The following WDR97 variants were observed in gnomAD, a reference collection of about 807,000 sequenced individuals.
WDR97 encodes WD repeat domain 97, also known as WD repeat-containing protein 97.
WDR97 carries 111 observed loss-of-function variants against 65.4 expected under a neutral mutation model. That is an observed-to-expected ratio of 1.70 (90% CI 1.45 to 1.99). The LOEUF (loss-of-function observed/expected upper bound fraction) is 1.99. Among genes scored for constraint, WDR97 ranks in the 30% most tolerant of loss-of-function variants. WDR97 has a pLI of 0.00. For missense variants in WDR97, 1,674 were observed against 865.0 expected (o/e 1.94, Z -11.73); for synonymous variants, 802 against 397.7 (o/e 2.02, Z -12.10).
At position 144,117,041 on chromosome 8, in the gene WDR97, C is replaced by G. The variant is rs190164484; in HGVS notation, c.*748C>G. 5 of 152,454 alleles carry G rather than the reference C, an allele frequency of 3.3e-5. No homozygotes were observed. The highest frequency in any genetic ancestry group is 9.6e-5 in the African/African-American group (4 of 41,580). The allele number at this position is 152,454 out of a possible 1,614,324, so 9.4% of individuals were successfully genotyped here. On this transcript the variant is annotated 3_prime_UTR_variant, in exon 24 of 24. Coordinates refer to ENST00000323662, the MANE Select transcript of WDR97 (RefSeq NM_001316309.2). ...GTGATTTCCCTCCTGTATCTGTAGC[C>G]TCTGACTTTACTAGTTTCTTCTTGA...
In WDR97 at chr8:144,114,160, C is replaced by T; in HGVS notation, c.3592C>T (p.Gln1198Ter). The change falls in exon 18 of 24, where the codon CAG (glutamine) becomes TAG (stop). Residue 1198 changes from glutamine (Q) to a stop codon, truncating the protein, a stop_gained and splice_region_variant. Coordinates refer to ENST00000323662, the MANE Select transcript of WDR97 (RefSeq NM_001316309.2). LOFTEE classifies it high-confidence loss of function. ...FKKLFPIFSLQAYPEAGTIEG... is the reference protein window; with the variant it reads ...FKKLFPIFSL ...AAAGTTGTTCCCCATCTTCAGCCTG[C>T]AGGTTGGAGGGAACTGGGGATGCAT... The T allele has an allele frequency of 1.4e-6, 1 of 702,466 alleles. No homozygotes were observed. Among genetic ancestry groups the T allele is most frequent in the South Asian group, 1.5e-5 (1 of 67,552 alleles). The allele number at this position is 702,466 out of a possible 1,614,324, so 43.5% of individuals were successfully genotyped here.
At position 144,108,132 on chromosome 8, in the gene WDR97, G is replaced by C. The variant is rs1836455059; in HGVS notation, c.186G>C (p.Pro62=). 1.4e-6 allele frequency: 1 copy of C among 702,446 alleles called. No individual in the cohort carries two copies. The highest frequency in any genetic ancestry group is 1.5e-5 in the South Asian group (1 of 67,594). 43.5% of individuals were successfully genotyped at this position (702,446 alleles called of 1,614,324 possible). A position where few individuals can be genotyped will look rare whatever the true frequency, so the allele number is the denominator to read the frequency against. Residue 62 remains proline, a synonymous_variant, in exon 2 of 24, where the codon CCG becomes CCC. Coordinates refer to ENST00000323662, the MANE Select transcript of WDR97 (RefSeq NM_001316309.2). ...TSSQQWQSLT[P]RARARRLWLL... ...GCCAACAGTGGCAAAGCCTGACCCC[G>C]CGCGCCCGCGCCCGCCGGCTGTGGC... is the stretch of plus-strand genomic sequence containing the variant.
chr8:144,113,513 C>G lies in WDR97; in HGVS notation c.3179C>G (p.Ala1060Gly), dbSNP rs767109062. The G allele has an allele frequency of 2.0e-5, 14 of 695,480 alleles. No individual in the cohort carries two copies. Among genetic ancestry groups the G allele is most frequent in the Non-Finnish European group, 3.7e-5 (14 of 379,166 alleles). The allele number at this position is 695,480 out of a possible 1,614,324, so 43.1% of individuals were successfully genotyped here. ...SAVLQQMWLN[A>G]EPGASQDALW... Reference sequence around the variant, plus strand: ...GTGCTACAGCAGATGTGGCTAAATGCGGAGGTCAGCAGCCTCGGATCCCCG... The same window carrying G: ...GTGCTACAGCAGATGTGGCTAAATGGGGAGGTCAGCAGCCTCGGATCCCCG... The change falls in exon 16 of 24, where the codon GCG becomes GGG. Residue 1060 changes from alanine (A) to glycine (G), a missense_variant. Transcript: ENST00000323662.
In WDR97 at chr8:144,114,027, C is replaced by G. The variant is rs1009722233; in HGVS notation, c.3459C>G (p.Ala1153=). The change falls in exon 18 of 24, where the codon GCC becomes GCG. Residue 1153 remains alanine, a synonymous_variant. Coordinates refer to ENST00000323662, the MANE Select transcript of WDR97 (RefSeq NM_001316309.2). ...QEPRRRSCKV[A]RTHPHPWHRH... is the part of the protein sequence containing the mutation. ...CCCGGCGGCGCAGCTGCAAGGTTGC[C>G]AGGACCCACCCTCATCCCTGGCACC... 1.0e-5 allele frequency: 7 copies of G among 702,710 alleles called. No individual in the cohort carries two copies. Among genetic ancestry groups the G allele is most frequent in the East Asian group, 2.7e-5 (1 of 37,300 alleles). 43.5% of individuals were successfully genotyped at this position (702,710 alleles called of 1,614,324 possible). A position where few individuals can be genotyped will look rare whatever the true frequency, so the allele number is the denominator to read the frequency against.
Position 144,112,065 on chromosome 8 carries a change from GC to G in WDR97, c.2818del (p.Gln940SerfsTer33), listed in dbSNP as rs1025491740. On this transcript the variant is annotated frameshift_variant, in exon 13 of 24. Coordinates refer to ENST00000323662, the MANE Select transcript of WDR97 (RefSeq NM_001316309.2). LOFTEE classifies it high-confidence loss of function. ...ALSPQDLGAL[G>X]QHFSQSPRVT... ...TCCCCACAGGACCTGGGAGCCCTGG[GC>G]CAGCACTTCTCCCAGTCTCCCCGAG... The G allele has an allele frequency of 1.4e-6, 1 of 702,696 alleles. No individual in the cohort carries two copies. Among genetic ancestry groups the G allele is most frequent in the Non-Finnish European group, 2.6e-6 (1 of 385,034 alleles). 43.5% of individuals were successfully genotyped at this position (702,696 alleles called of 1,614,324 possible).
Position 144,109,958 on chromosome 8 carries a change from T to C in WDR97, c.1624T>C (p.Ser542Pro). Residue 542 changes from serine (S) to proline (P), a missense_variant, in exon 5 of 24, where the codon TCC becomes CCC. Ser to Pro is a moderately conservative substitution (Grantham distance 74). Transcript: ENST00000323662. ...HLTDLEGAFSSWEIVRQHWGE... is the reference protein window; with the variant it reads ...HLTDLEGAFSPWEIVRQHWGE... ...CACGGATCTCGAAGGCGCCTTCTCC[T>C]CCTGGGAGATCGTGCGCCAGCACTG... is the stretch of plus-strand genomic sequence containing the variant. The C allele has an allele frequency of 1.4e-6, 1 of 701,778 alleles. No individual in the cohort carries two copies. 43.5% of individuals were successfully genotyped at this position (701,778 alleles called of 1,614,324 possible).
chr8:144,112,030 A>C lies in WDR97; in HGVS notation c.2781A>C (p.Pro927=), dbSNP rs1448185511. ...AEVSTAAQTV[P]TALSPQDLGA... ...TCAGCACTGCAGCCCAAACAGTGCC[A>C]ACAGCCCTGTCCCCACAGGACCTGG... The change falls in exon 13 of 24, where the codon CCA becomes CCC. Residue 927 remains proline (P), a synonymous_variant. Transcript: ENST00000323662. 4.3e-6 allele frequency: 3 copies of C among 702,608 alleles called. No homozygotes were observed. Among genetic ancestry groups the C allele is most frequent in the Non-Finnish European group, 5.2e-6 (2 of 384,950 alleles). 43.5% of individuals were successfully genotyped at this position (702,608 alleles called of 1,614,324 possible).
At position 144,108,667 on chromosome 8, in the gene WDR97, T is replaced by G. The variant is rs1320788527; in HGVS notation, c.601T>G (p.Cys201Gly). ...CAGGGCCCCGGGTTGGGCGCCCACC[T>G]GCTGCCTGCCGGTTCCCGACCTCAG... ...VGRAPGWAPT[C>G]CLPVPDLRLL... Residue 201 changes from cysteine (C) to glycine (G), a missense_variant, in exon 3 of 24, where the codon TGC (cysteine) becomes GGC (glycine). Cys to Gly is a radical substitution (Grantham distance 159, BLOSUM62 -3). Coordinates refer to ENST00000323662, the MANE Select transcript of WDR97 (RefSeq NM_001316309.2). The G allele has an allele frequency of 1.0e-5, 7 of 700,610 alleles. No individual in the cohort carries two copies. Among genetic ancestry groups the G allele is most frequent in the Non-Finnish European group, 1.8e-5 (7 of 384,386 alleles). 43.4% of individuals were successfully genotyped at this position (700,610 alleles called of 1,614,324 possible). A position where few individuals can be genotyped will look rare whatever the true frequency, so the allele number is the denominator to read the frequency against.
rs1486848272 is a variant in WDR97, at chr8:144,108,070, A to G, written c.124A>G (p.Thr42Ala). 5 of 702,744 alleles carry G rather than the reference A, an allele frequency of 7.1e-6. No individual in the cohort carries two copies. The South Asian group carries it at 7.4e-5, about 10-fold the overall frequency. The allele number at this position is 702,744 out of a possible 1,614,324, so 43.5% of individuals were successfully genotyped here. ...GTTCCTGCCCGCAGAGTTGACTTTC[A>G]CGGAGCCGTCGCAGGTCCTGCCCTT... ...LLTEKNELTF[T>A]EPSQVLPFLT... The change falls in exon 2 of 24, where the codon ACG becomes GCG. Residue 42 changes from threonine (T) to alanine (A), a missense_variant. Physicochemically the swap from Thr to Ala is moderately conservative, Grantham distance 58. Transcript: ENST00000323662.
In WDR97 at chr8:144,109,052, C is replaced by A; in HGVS notation, c.882C>A (p.Thr294=). 1.4e-6 allele frequency: 1 copy of A among 703,214 alleles called. No homozygotes were observed. Among genetic ancestry groups the A allele is most frequent in the Non-Finnish European group, 2.6e-6 (1 of 385,050 alleles). The allele number at this position is 703,214 out of a possible 1,614,324, so 43.6% of individuals were successfully genotyped here. A position where few individuals can be genotyped will look rare whatever the true frequency, so the allele number is the denominator to read the frequency against. The change falls in exon 4 of 24, where the codon ACC becomes ACA. Residue 294 remains threonine, a synonymous_variant. Coordinates refer to ENST00000323662, the MANE Select transcript of WDR97 (RefSeq NM_001316309.2). ...TTCTCCCATTCCCCACCTGTAGCAC[C>A]ATCTCGGACCTGGCTTACTGCGAGG... ...VDVRRDLHKT[T]ISDLAYCEEV...
In WDR97 at chr8:144,110,428, C is replaced by T. The variant is rs1213811234; in HGVS notation, c.1931C>T (p.Pro644Leu). ...CTGCGCACCTTCTCCTGCTGCTACCCGGCCGTGGCGCTCTGTGCGCTAGGC... is the reference window on the plus strand; with the variant it reads ...CTGCGCACCTTCTCCTGCTGCTACCTGGCCGTGGCGCTCTGTGCGCTAGGC... The part of the protein sequence containing the change: ...SLLRTFSCCY[P>L]AVALCALGRR... The change falls in exon 7 of 24, where the codon CCG becomes CTG. Residue 644 changes from proline (P) to leucine (L), a missense_variant. Physicochemically the swap from Pro to Leu is moderately conservative, Grantham distance 98. Coordinates refer to ENST00000323662, the MANE Select transcript of WDR97 (RefSeq NM_001316309.2). The T allele has an allele frequency of 1.4e-6, 1 of 703,042 alleles. No homozygotes were observed. Among genetic ancestry groups the T allele is most frequent in the Non-Finnish European group, 2.6e-6 (1 of 384,994 alleles). The allele number at this position is 703,042 out of a possible 1,614,324, so 43.6% of individuals were successfully genotyped here.
chr8:144,110,195 G>A lies in WDR97; in HGVS notation c.1782G>A (p.Glu594=). The A allele has an allele frequency of 1.4e-6, 1 of 702,938 alleles. No individual in the cohort carries two copies. The highest frequency in any genetic ancestry group is 1.5e-5 in the South Asian group (1 of 67,604). 43.5% of individuals were successfully genotyped at this position (702,938 alleles called of 1,614,324 possible). A position where few individuals can be genotyped will look rare whatever the true frequency, so the allele number is the denominator to read the frequency against. The change falls in exon 6 of 24, where the codon GAG becomes GAA. Residue 594 remains glutamate, a synonymous_variant. Coordinates refer to ENST00000323662, the MANE Select transcript of WDR97 (RefSeq NM_001316309.2). ...WLSSKTVFQT[E]AHSPGPVVAI... The stretch of plus-strand genomic sequence containing the variant: ...CGTCGAAGACTGTCTTCCAAACGGA[G>A]GCGCACAGCCCGGGCCCGGTTGTCG...
At chr8:144,113,050 C>T (rs776997464) in intron 15 of WDR97, 8 of 348,364 alleles carry the variant, frequency 2.3e-5, no homozygotes, top group Non-Finnish European at 4.2e-5. Context: ...GCCTGGGTGC[C>T]ACCATCATGC....
Position 144,114,061 on chromosome 8 carries a change from A to C in WDR97, c.3493A>C (p.Ser1165Arg). 1.4e-6 allele frequency: 1 copy of C among 702,830 alleles called. No homozygotes were observed. Among genetic ancestry groups the C allele is most frequent in the Non-Finnish European group, 2.6e-6 (1 of 384,982 alleles). The allele number at this position is 702,830 out of a possible 1,614,324, so 43.5% of individuals were successfully genotyped here. ...THPHPWHRHG[S>R]LLLDEHYGHL... ...CCCTCATCCCTGGCACCGTCATGGG[A>C]GTTTGCTCTTGGATGAGCATTACGG... The change falls in exon 18 of 24, where the codon AGT becomes CGT. Residue 1165 changes from serine to arginine, a missense_variant. Ser to Arg is a moderately radical substitution (Grantham distance 110). Transcript: ENST00000323662.
In WDR97 at chr8:144,114,664, C is replaced by A. The variant is rs888335749; in HGVS notation, c.3903C>A (p.Pro1301=). The A allele has an allele frequency of 7.1e-6, 5 of 702,702 alleles. No individual in the cohort carries two copies. The African/African-American group carries it at 8.7e-5, about 12-fold the overall frequency. 43.5% of individuals were successfully genotyped at this position (702,702 alleles called of 1,614,324 possible). The part of the protein sequence containing the change: ...LELMSYFLYS[P]VHCRPELKKL... The stretch of plus-strand genomic sequence containing the variant: ...TCATGTCCTACTTCCTCTACTCTCC[C>A]GTGCACTGCCGGTGAGTTGCGCTCC... The change falls in exon 20 of 24, where the codon CCC becomes CCA. Residue 1301 remains proline (P), a synonymous_variant. Transcript: ENST00000323662.
In WDR97 at chr8:144,113,804, G is replaced by C; in HGVS notation, c.3331G>C (p.Glu1111Gln). 1 of 702,518 alleles carries C rather than the reference G, an allele frequency of 1.4e-6. No homozygotes were observed. Among genetic ancestry groups the C allele is most frequent in the Admixed American group, 2.0e-5 (1 of 49,718 alleles). 43.5% of individuals were successfully genotyped at this position (702,518 alleles called of 1,614,324 possible). The change falls in exon 17 of 24, where the codon GAG becomes CAG. Residue 1111 changes from glutamate (E) to glutamine (Q), a missense_variant. Glu to Gln is a conservative substitution (Grantham distance 29). Coordinates refer to ENST00000323662, the MANE Select transcript of WDR97 (RefSeq NM_001316309.2). ...KKEEEEEKED[E>Q]ELDWALASLS... ...GGAAGAGGAGGAGGAGAAGGAAGAC[G>C]AGGAGCTGGACTGGGCCTTGGCTTC...
chr8:144,111,632 G>A lies in WDR97; in HGVS notation c.2488G>A (p.Asp830Asn), dbSNP rs375904561. Residue 830 changes from aspartate to asparagine, a missense_variant and splice_region_variant, in exon 12 of 24, where the codon GAC (aspartate) becomes AAC (asparagine). By Grantham distance (23) the Asp-to-Asn change is conservative (BLOSUM62 1). Coordinates refer to ENST00000323662, the MANE Select transcript of WDR97 (RefSeq NM_001316309.2). ...GGCTGATCCCTGAACCCTGACTCAGGACTTGGACGCCATAGTGGCCCGGGA... is the reference window on the plus strand; with the variant it reads ...GGCTGATCCCTGAACCCTGACTCAGAACTTGGACGCCATAGTGGCCCGGGA... ...ATSQHLVPKE[D>N]LDAIVARDRD... The A allele has an allele frequency of 1.8e-4, 124 of 687,458 alleles. 4 individuals carry two copies. The highest frequency in any genetic ancestry group is 1.8e-3 in the South Asian group (117 of 65,794). The allele number at this position is 687,458 out of a possible 1,614,324, so 42.6% of individuals were successfully genotyped here. A position where few individuals can be genotyped will look rare whatever the true frequency, so the allele number is the denominator to read the frequency against.
rs1836666906 is a variant in WDR97, at chr8:144,116,302, G to A, written c.*9G>A. 1.7e-6 allele frequency: 1 copy of A among 604,592 alleles called. No individual in the cohort carries two copies. Among genetic ancestry groups the A allele is most frequent in the Non-Finnish European group, 3.0e-6 (1 of 335,616 alleles). The allele number at this position is 604,592 out of a possible 1,614,324, so 37.5% of individuals were successfully genotyped here. A position where few individuals can be genotyped will look rare whatever the true frequency, so the allele number is the denominator to read the frequency against. On this transcript the variant is annotated 3_prime_UTR_variant, in exon 24 of 24. Transcript: ENST00000323662. ...CTGACACCTACAGCTGACCGGACTG[G>A]TGGCCTCAGCCCGCCTGGCTCTGGG...
rs2130121990 is a variant in WDR97, at chr8:144,115,923, A to C, written c.4596-20A>C. 1.4e-6 allele frequency: 1 copy of C among 700,764 alleles called. No homozygotes were observed. Among genetic ancestry groups the C allele is most frequent in the South Asian group, 1.5e-5 (1 of 67,550 alleles). 43.4% of individuals were successfully genotyped at this position (700,764 alleles called of 1,614,324 possible). A position where few individuals can be genotyped will look rare whatever the true frequency, so the allele number is the denominator to read the frequency against. On this transcript the variant is annotated intron_variant, in intron 22 of 23. Transcript: ENST00000323662. The stretch of plus-strand genomic sequence containing the variant: ...CCAAGCGTGGGGCTGGGCCAGCTGA[A>C]CCCTCCTCTTTGCCTCCAGGTACCA...
Sources: allele counts gnomAD v4.1 joint callset, GRCh38; gene constraint gnomAD v4.1.1; transcripts MANE v1.5; gene names NCBI Gene and HGNC (gene_info 2026-07-23, HGNC 2026-07-21).